The following CCDC63 variants were observed in gnomAD, a reference collection of about 807,000 sequenced individuals.
CCDC63 encodes the protein coiled-coil domain-containing protein 63.
Under a neutral mutation model 63.6 loss-of-function variants are expected in CCDC63, and 54 were observed. The observed-to-expected ratio is 0.85, with a 90% CI of 0.68 to 1.07. CCDC63 has a LOEUF of 1.07. Among genes scored for constraint, CCDC63 ranks in the 50% least tolerant of loss-of-function variants. CCDC63 has a pLI of 0.00. For synonymous variants in CCDC63, 253 were observed against 266.1 expected (o/e 0.95, Z 0.48); for missense variants, 637 against 689.6 (o/e 0.92, Z 0.86).
chr12:110,853,632 T>G lies in CCDC63; in HGVS notation c.179+58T>G, dbSNP rs1041796142. Reference sequence around the variant, plus strand: ...CCTTGGAGGAAAGTTGGGGTTGGGCTTCATGTTGCTTGTCTTCTGTTCTGT... The same window carrying G: ...CCTTGGAGGAAAGTTGGGGTTGGGCGTCATGTTGCTTGTCTTCTGTTCTGT... On this transcript the variant is annotated intron_variant, in intron 3 of 11. Transcript: ENST00000308208. 4 of 1,595,614 alleles carry G rather than the reference T, an allele frequency of 2.5e-6. No individual in the cohort carries two copies. In the Admixed American group the frequency reaches 5.0e-5, roughly 20 times the overall value.
intron 4 of CCDC63, among the ~76,000 whole-genome samples, chr12:110,867,727 A>G (rs1192108167): frequency 2.7e-5 from 3 of 110,670 alleles, no homozygotes; most frequent in African/African-American, 3.8e-5. Context: ...TCCCTCCCGG[A>G]CAGGGCGGCT....
chr12:110,871,303 G>C (rs985244240), intron 4 of CCDC63, among the ~76,000 whole-genome samples: 6 of 152,006 alleles, frequency 3.9e-5, no homozygotes, highest in Non-Finnish European at 5.9e-5. Context: ...CACCACGCCT[G>C]GCTATTTTTT....
chr12:110,865,926 A>C (rs951170253), intron 4 of CCDC63, among the ~76,000 whole-genome samples: 1 of 152,224 alleles, frequency 6.6e-6, no homozygotes, highest in Non-Finnish European at 1.5e-5. Context: ...GGTGAATTAC[A>C]GAGATCTTGT....
At chr12:110,852,735 C>T (rs1375089816) in intron 1 of CCDC63, 124 bp from the exon 2 acceptor site, 6 of 661,000 alleles carry the variant, frequency 9.1e-6, no homozygotes, top group Non-Finnish European at 1.6e-5. Context: ...ATCTGGGTAT[C>T]CTCCTCATGT....
At position 110,873,859 on chromosome 12, in the gene CCDC63, A is replaced by G; in HGVS notation, c.387A>G (p.Lys129=). 1 of 1,613,364 alleles carries G rather than the reference A, an allele frequency of 6.2e-7. No homozygotes were observed. The highest frequency in any genetic ancestry group is 8.5e-7 in the Non-Finnish European group (1 of 1,179,870). Residue 129 remains lysine, a synonymous_variant, in exon 5 of 12, where the codon AAA becomes AAG. Coordinates refer to ENST00000308208, the MANE Select transcript of CCDC63 (RefSeq NM_152591.3). The part of the protein sequence containing the change: ...ELDEKILQME[K]KIANQKQIFA... The stretch of plus-strand genomic sequence containing the variant: ...TTTTTCAGATTCTTCAGATGGAAAA[A>G]AAAATCGCAAACCAAAAACAGATTT...
chr12:110,898,315 G>A (rs899795321), intron 9 of CCDC63, among the ~76,000 whole-genome samples: 20 of 148,946 alleles, frequency 1.3e-4, no homozygotes, highest in Non-Finnish European at 2.7e-4. Context: ...AAATTAAAGA[G>A]TCAACAGCTT....
intron 7 of CCDC63, among the ~76,000 whole-genome samples, chr12:110,881,969 G>C (rs2071214672): frequency 6.6e-6 from 1 of 152,122 alleles, no homozygotes; most frequent in Non-Finnish European, 1.5e-5. Flanking sequence ...TTATTTAGAA[G>C]GAGACTTATT....
intron 5 of CCDC63, 84 bp from the exon 6 acceptor site, chr12:110,879,822 C>A (rs1566128576): frequency 4.4e-6 from 6 of 1,367,112 alleles, no homozygotes; most frequent in East Asian, 2.3e-5. Flanking sequence ...GGGGCAAAGA[C>A]CTGACAGCCT....
In CCDC63 at chr12:110,907,504, C is replaced by T; in HGVS notation, c.*28C>T. On this transcript the variant is annotated 3_prime_UTR_variant, in exon 12 of 12. Coordinates refer to ENST00000308208, the MANE Select transcript of CCDC63 (RefSeq NM_152591.3). This position sits in a 1 kb window ranked among gnomAD's most constrained non-coding sequence, Gnocchi z 4.4. ...TGCATGCATGGGGCCACCTTTGCAA[C>T]ATAACCGAAAGAATAAATGTTTTGT... is the stretch of plus-strand genomic sequence containing the variant. 1 of 1,613,276 alleles carries T rather than the reference C, an allele frequency of 6.2e-7. No individual in the cohort carries two copies. The highest frequency in any genetic ancestry group is 8.5e-7 in the Non-Finnish European group (1 of 1,179,398).
intron 8 of CCDC63, among the ~76,000 whole-genome samples, chr12:110,887,810 G>T (rs565597302): frequency 8.0e-4 from 121 of 152,092 alleles, no homozygotes; most frequent in African/African-American, 2.7e-3. Context: ...TGTTGGCCAG[G>T]ATGGTCTCAT....
Position 110,852,910 on chromosome 12 carries a change from T to C in CCDC63, c.-45T>C, listed in dbSNP as rs1741065275. 1 of 1,614,014 alleles carries C rather than the reference T, an allele frequency of 6.2e-7. No homozygotes were observed. Among genetic ancestry groups the C allele is most frequent in the South Asian group, 1.1e-5 (1 of 91,076 alleles). ...AGGAAGGCTCACTGGCTTTGAGCTCTCTGGGTACAGTGTCTGAGTGGAGGC... is the reference window on the plus strand; with the variant it reads ...AGGAAGGCTCACTGGCTTTGAGCTCCCTGGGTACAGTGTCTGAGTGGAGGC... On this transcript the variant is annotated 5_prime_UTR_variant, in exon 2 of 12. Transcript: ENST00000308208.
chr12:110,864,539 C>T lies in CCDC63; in HGVS notation c.369+5764C>T, dbSNP rs193133751. On this transcript the variant is annotated intron_variant, in intron 4 of 11. Coordinates refer to ENST00000308208, the MANE Select transcript of CCDC63 (RefSeq NM_152591.3). ...AGGAGTTCCGAACAGACCAGCCTGGCCAACATGGTAAAAACCCCATCTCTG... is the reference window on the plus strand; with the variant it reads ...AGGAGTTCCGAACAGACCAGCCTGGTCAACATGGTAAAAACCCCATCTCTG... Among the ~76,000 whole-genome samples the T allele has an allele frequency of 6.6e-5, 10 of 151,904 alleles. 1 individual carries two copies. The highest frequency in any genetic ancestry group is 4.6e-4 in the Admixed American group (7 of 15,258).
At chr12:110,862,807 G>A (rs997205842) in intron 4 of CCDC63, among the ~76,000 whole-genome samples, 1 of 151,234 alleles carries the variant, frequency 6.6e-6, no homozygotes, top group African/African-American at 2.4e-5. Context: ...CCAGACTGGA[G>A]TGCAGTGGTG....
intron 6 of CCDC63, among the ~76,000 whole-genome samples, chr12:110,880,383 G>A (rs921588142): frequency 6.6e-6 from 1 of 152,114 alleles, no homozygotes; most frequent in African/African-American, 2.4e-5. Context: ...GGTGATTGTG[G>A]TGAAGTTGAG....
At chr12:110,881,343 CCTT>C (rs755649239) in intron 7 of CCDC63, 47 bp downstream of exon 7, 1 of 1,553,532 alleles carries the variant, frequency 6.4e-7, no homozygotes, top group Non-Finnish European at 8.7e-7. Flanking sequence ...CTCTTTCTTG[CCTT>C]CTTTCTCTCT....
intron 10 of CCDC63, among the ~76,000 whole-genome samples, 178 bp downstream of exon 10, chr12:110,899,303 C>A (rs2071455545): frequency 6.6e-6 from 1 of 152,030 alleles, no homozygotes; most frequent in Admixed American, 6.6e-5. Flanking sequence ...GAGCCTTAAG[C>A]AGGTTTGTTT....
intron 6 of CCDC63, among the ~76,000 whole-genome samples, chr12:110,880,595 T>C (rs1027644418): frequency 1.3e-5 from 2 of 151,698 alleles, no homozygotes; most frequent in Non-Finnish European, 2.9e-5. Flanking sequence ...AGGAGCTCTT[T>C]AGATGGTAAA....
upstream of CCDC63, chr12:110,845,782 C>T (rs1311703934): frequency 2.1e-5 from 3 of 141,696 alleles, no homozygotes; most frequent in Non-Finnish European, 4.6e-5. Context: ...TTTTTTGAAA[C>T]GGAGTCTCAC....
rs576432598 is a variant in CCDC63 at position 110,876,740 on chromosome 12, TA to T, written c.489+2788del. ...AAAAAAACTTAAAAAATAATTTTATTAAAAAAAAATAAACCAGATGTGGTGG... is the reference window on the plus strand; with the variant it reads ...AAAAAAACTTAAAAAATAATTTTATTAAAAAAAATAAACCAGATGTGGTGG... On this transcript the variant is annotated intron_variant, in intron 5 of 11. Coordinates refer to ENST00000308208, the MANE Select transcript of CCDC63 (RefSeq NM_152591.3). Among the ~76,000 whole-genome samples, 251 of 151,010 alleles carry T rather than the reference TA, an allele frequency of 1.7e-3. 1 individual carries two copies. The highest frequency in any genetic ancestry group is 5.6e-3 in the African/African-American group (231 of 41,138).
Sources: allele counts gnomAD v4.1 joint callset (sites outside exome capture counted in the v4.1 genomes callset), GRCh38; gene constraint gnomAD v4.1.1; non-coding constraint Gnocchi (gnomAD v3.1); transcripts MANE v1.5; gene names NCBI Gene and HGNC (gene_info 2026-07-23, HGNC 2026-07-21).